The following NPAS3 variants were observed in gnomAD, a reference collection of about 807,000 sequenced individuals.
NPAS3 encodes neuronal PAS domain-containing protein 3.
In NPAS3, 14 loss-of-function variants were observed where a neutral mutation model predicts 73.1. The ratio of observed to expected loss-of-function variants is 0.19; its 90% CI spans 0.13 to 0.30. The LOEUF (loss-of-function observed/expected upper bound fraction) is 0.30. NPAS3 is among the 10% of genes least tolerant of loss of function. The pLI is 1.00. For synonymous variants in NPAS3, 620 were observed against 541.5 expected, an observed-to-expected ratio of 1.14 and a Z score of -2.01; for missense variants, 1,096 against 1,250.0, an observed-to-expected ratio of 0.88 and a Z score of 1.86.
chr14:33,802,690 G>A (rs1310274369), downstream of NPAS3: 1 of 152,276 alleles, frequency 6.6e-6, no homozygotes, highest in African/African-American at 2.4e-5. Flanking sequence ...CTCTAGTCCG[G>A]AGTGGTACAG....
chr14:33,716,996 A>G (rs2060974552), intron 6 of NPAS3, among the ~76,000 whole-genome samples: 2 of 152,236 alleles, frequency 1.3e-5, no homozygotes, highest in Admixed American at 1.3e-4. Flanking sequence ...GGAAAGAAAT[A>G]TGACTCTAAA....
chr14:33,685,446 G>C (rs999498376), intron 6 of NPAS3, among the ~76,000 whole-genome samples: 2 of 152,112 alleles, frequency 1.3e-5, no homozygotes, highest in Non-Finnish European at 2.9e-5. Flanking sequence ...CGTTATCAAG[G>C]GTAGGTTTTT....
chr14:33,495,996 A>C (rs980894692), intron 4 of NPAS3, among the ~76,000 whole-genome samples: 1 of 152,074 alleles, frequency 6.6e-6, no homozygotes, highest in Non-Finnish European at 1.5e-5. Flanking sequence ...TCAAATAGAC[A>C]CAATAAAAAA....
At chr14:33,766,357 C>T (rs535134565) in intron 7 of NPAS3, among the ~76,000 whole-genome samples, 41 of 152,332 alleles carry the variant, frequency 2.7e-4, no homozygotes, top group African/African-American at 9.6e-4. Context: ...AAACTATATG[C>T]TCCAATTACA....
At chr14:33,493,074 C>A (rs550604083) in intron 4 of NPAS3, among the ~76,000 whole-genome samples, 1 of 152,106 alleles carries the variant, frequency 6.6e-6, no homozygotes, top group African/African-American at 2.4e-5. Context: ...ATTCTCACTG[C>A]GTGAGCTTTG....
intron 4 of NPAS3, among the ~76,000 whole-genome samples, chr14:33,424,880 A>C (rs920259986): frequency 6.6e-6 from 1 of 152,010 alleles, no homozygotes; most frequent in Non-Finnish European, 1.5e-5. Context: ...CACCATCTGT[A>C]AACAGATGGA....
intron 1 of NPAS3, among the ~76,000 whole-genome samples, chr14:33,011,716 C>T (rs8015959): frequency 0.088 from 13,356 of 152,100 alleles, 906 homozygotes; most frequent in African/African-American, 0.19. Context: ...ACTTACACTT[C>T]GAAAATAATT....
At chr14:33,441,464 TC>T (rs1295606681) in intron 4 of NPAS3, among the ~76,000 whole-genome samples, 1 of 152,220 alleles carries the variant, frequency 6.6e-6, no homozygotes, top group Non-Finnish European at 1.5e-5. Flanking sequence ...AATAGCAGAA[TC>T]CCTTGGAAAT....
chr14:33,705,590 A>G (rs915426367), intron 6 of NPAS3, among the ~76,000 whole-genome samples: 6 of 152,218 alleles, frequency 3.9e-5, no homozygotes, highest in African/African-American at 1.4e-4. Flanking sequence ...CTAATAATAC[A>G]GGGCGTGGAG....
At chr14:33,118,813 G>A (rs931611276) in intron 2 of NPAS3, among the ~76,000 whole-genome samples, 51 of 151,862 alleles carry the variant, frequency 3.4e-4, no homozygotes, top group Admixed American at 1.8e-3. Context: ...CATGTGGCAG[G>A]TGGCCTGCGT....
intron 5 of NPAS3, among the ~76,000 whole-genome samples, chr14:33,601,632 C>A (rs1442152866): frequency 1.3e-5 from 2 of 152,312 alleles, no homozygotes; most frequent in African/African-American, 4.8e-5. Flanking sequence ...AAGGCAGATA[C>A]AGGTATAATC....
chr14:33,649,331 C>T (rs921970229), intron 5 of NPAS3, among the ~76,000 whole-genome samples: 1 of 152,222 alleles, frequency 6.6e-6, no homozygotes, highest in Non-Finnish European at 1.5e-5. Flanking sequence ...TGCCCGTTGA[C>T]AAAACTGGCT....
At chr14:33,466,350 C>CT in intron 4 of NPAS3, among the ~76,000 whole-genome samples, 1 of 152,242 alleles carries the variant, frequency 6.6e-6, no homozygotes, top group Middle Eastern at 3.4e-3. Context: ...CTAGAAAAAG[C>CT]AGATGATGAT....
At chr14:33,176,521 T>C (rs2045594635) in intron 2 of NPAS3, among the ~76,000 whole-genome samples, 1 of 152,256 alleles carries the variant, frequency 6.6e-6, no homozygotes, top group Non-Finnish European at 1.5e-5. Flanking sequence ...AATTACTTAT[T>C]TCTTACGTGT....
intron 3 of NPAS3, among the ~76,000 whole-genome samples, chr14:33,283,051 C>T (rs1362374230): frequency 6.6e-6 from 1 of 152,176 alleles, no homozygotes; most frequent in African/African-American, 2.4e-5. Flanking sequence ...CTCTGCCCCA[C>T]AGTCTATTAT....
At chr14:33,476,019 C>A (rs17101325) in intron 4 of NPAS3, among the ~76,000 whole-genome samples, 3 of 152,096 alleles carry the variant, frequency 2.0e-5, no homozygotes, top group African/African-American at 7.2e-5. Context: ...TGCGCTTTCC[C>A]TGGTGAAGAA....
chr14:33,733,313 G>GA (rs58483708), intron 6 of NPAS3, among the ~76,000 whole-genome samples: 7,447 of 139,876 alleles, frequency 0.053, 222 homozygotes, highest in South Asian at 0.084. Context: ...TCCTTGGGAG[G>GA]AAAAAAAAAA....
At chr14:33,572,129 A>C (rs2056241070) in intron 5 of NPAS3, among the ~76,000 whole-genome samples, 2 of 152,304 alleles carry the variant, frequency 1.3e-5, no homozygotes, top group South Asian at 4.1e-4. Flanking sequence ...GGGTCTAAAA[A>C]GTGGAAAATA....
At chr14:33,191,414 TAA>T (rs1309022471) in intron 2 of NPAS3, among the ~76,000 whole-genome samples, 1 of 152,154 alleles carries the variant, frequency 6.6e-6, no homozygotes, top group Non-Finnish European at 1.5e-5. Context: ...TAGAAGCAAC[TAA>T]ATAATTATAA....
Sources: gnomAD v4.1 joint callset for allele counts (sites outside exome capture counted in the v4.1 genomes callset) on GRCh38, gnomAD v4.1.1 for gene constraint, MANE v1.5 for transcripts, NCBI Gene and HGNC (gene_info 2026-07-23, HGNC 2026-07-21) for gene names.